MYO9B: variants seen among roughly 807,000 people sequenced by gnomAD.
MYO9B encodes myosin IXB, also known as unconventional myosin-IXb.
A neutral mutation model predicts 229.5 loss-of-function variants in MYO9B; 71 were observed. That is an observed-to-expected ratio of 0.31 (90% CI 0.26 to 0.38). The LOEUF (loss-of-function observed/expected upper bound fraction) is 0.38, where lower values mean the gene tolerates loss of function less well. Ranked by LOEUF, MYO9B falls within the 10% of genes least tolerant of loss-of-function variation. The probability of loss-of-function intolerance (pLI) is 1.00; values close to 1 mark genes in which losing one functional copy is unlikely to be tolerated. For missense variants in MYO9B, 2,255 were observed against 2,920.5 expected (o/e 0.77, Z 5.25); for synonymous variants, 1,185 against 1,235.8 (o/e 0.96, Z 0.86).
chr19:17,088,878 T>TG (rs1173951088), intron 1 of MYO9B, among the ~76,000 whole-genome samples: 3 of 152,024 alleles, frequency 2.0e-5, no homozygotes, highest in Non-Finnish European at 2.9e-5. Flanking sequence ...TTTGTAGAAT[T>TG]GGGGGGTCTT....
intron 33 of MYO9B, 40 bp from the exon 34 acceptor site, chr19:17,206,639 A>T: frequency 1.3e-6 from 2 of 1,515,692 alleles, no homozygotes; most frequent in Non-Finnish European, 1.8e-6. Context: ...CACCTTGGGG[A>T]CCCTTGGGAG....
intron 19 of MYO9B, among the ~76,000 whole-genome samples, chr19:17,188,531 C>T (rs969751384): frequency 6.6e-6 from 1 of 152,034 alleles, no homozygotes; most frequent in African/African-American, 2.4e-5. Flanking sequence ...GCCTGGTTCC[C>T]TTTCACGCTT....
intron 2 of MYO9B, among the ~76,000 whole-genome samples, chr19:17,126,902 T>TCCCCCCCCCCCCCCCC (rs1479083472): frequency 9.7e-6 from 1 of 103,046 alleles, no homozygotes. Context: ...GACCTTGTGA[T>TCCCCCCCCCCCCCCCC]CCACCCCCAC....
chr19:17,178,160 C>T (rs978477380), intron 14 of MYO9B, among the ~76,000 whole-genome samples: 1 of 152,180 alleles, frequency 6.6e-6, no homozygotes, highest in East Asian at 1.9e-4. Flanking sequence ...AGGTGACAGG[C>T]GACCCCTCTG....
At chr19:17,183,363 A>G (rs1334793015) in intron 15 of MYO9B, among the ~76,000 whole-genome samples, 1 of 152,058 alleles carries the variant, frequency 6.6e-6, no homozygotes, top group Non-Finnish European at 1.5e-5. Context: ...CTTGGCATCT[A>G]CCAGCACATG....
chr19:17,092,616 A>G (rs573093175), intron 1 of MYO9B, among the ~76,000 whole-genome samples: 1 of 151,438 alleles, frequency 6.6e-6, no homozygotes, highest in Non-Finnish European at 1.5e-5. Context: ...TCCCAGCTAC[A>G]TGGGAGGCTG....
chr19:17,086,706 C>T (rs2057586628), intron 1 of MYO9B, among the ~76,000 whole-genome samples: 1 of 152,110 alleles, frequency 6.6e-6, no homozygotes, highest in Non-Finnish European at 1.5e-5. Context: ...ATGGAGAAAC[C>T]CTGTCTCTAC....
chr19:17,100,674 C>T (rs1568660915), intron 1 of MYO9B, among the ~76,000 whole-genome samples: 1 of 152,062 alleles, frequency 6.6e-6, no homozygotes, highest in Non-Finnish European at 1.5e-5. Context: ...TTGCCCGTGA[C>T]CTTGGCAGTC....
chr19:17,210,218 G>A (rs2073210369), intron 36 of MYO9B, 115 bp from the exon 37 acceptor site: 2 of 1,075,232 alleles, frequency 1.9e-6, no homozygotes, highest in African/African-American at 3.2e-5. Context: ...CGGGCTCTGG[G>A]CTCCTGTGGG....
chr19:17,183,829 G>A lies in MYO9B; in HGVS notation c.2334G>A (p.Leu778=). 2 of 1,562,766 alleles carry A rather than the reference G, an allele frequency of 1.3e-6. No individual in the cohort carries two copies. The highest frequency in any genetic ancestry group is 1.2e-5 in the South Asian group (1 of 82,442). ...AAAACCATTTTTAATATTTTGACAGGAAAAGTAAAGGTATCAAACAAAAGC... is the reference window on the plus strand; with the variant it reads ...AAAACCATTTTTAATATTTTGACAGAAAAAGTAAAGGTATCAAACAAAAGC... ...SRLQKPRAFI[L]KSKGIKQKQI... is the part of the protein sequence containing the mutation. Residue 778 remains leucine, a splice_region_variant and synonymous_variant, in exon 16 of 40, where the codon CTG becomes CTA. Coordinates refer to ENST00000682292, the MANE Select transcript of MYO9B (RefSeq NM_004145.4).
chr19:17,192,726 C>G lies in MYO9B; in HGVS notation c.2812-20C>G. On this transcript the variant is annotated intron_variant, in intron 20 of 39. Coordinates refer to ENST00000682292, the MANE Select transcript of MYO9B (RefSeq NM_004145.4). Reference sequence around the variant, plus strand: ...GTCAGGGGCAGTGCAGCTGACCCCACCTGACCCCGTGCCCACCAGGTCTTC... The same window carrying G: ...GTCAGGGGCAGTGCAGCTGACCCCAGCTGACCCCGTGCCCACCAGGTCTTC... The G allele has an allele frequency of 2.0e-6, 3 of 1,506,046 alleles. No individual in the cohort carries two copies. Among genetic ancestry groups the G allele is most frequent in the Non-Finnish European group, 2.7e-6 (3 of 1,121,324 alleles). 93.3% of individuals were successfully genotyped at this position (1,506,046 alleles called of 1,614,324 possible). A position where few individuals can be genotyped will look rare whatever the true frequency, so the allele number is the denominator to read the frequency against.
In MYO9B at chr19:17,185,933, A is replaced by C; in HGVS notation, c.2509A>C (p.Lys837Gln). 6.2e-7 allele frequency: 1 copy of C among 1,613,730 alleles called. No homozygotes were observed. ...TTTCCCTTAACAGACATCCCTTAAC[A>C]AGCTCTTGGAGGCACTGGGGAAGGC... ...ISAQFQTSLN[K>Q]LLEALGKAEP... Residue 837 changes from lysine to glutamine, a missense_variant, in exon 18 of 40, where the codon AAG (lysine) becomes CAG (glutamine). Around this residue, in one of 7 missense-constraint regions of MYO9B, gnomAD observed 68 missense variants for 133.5 expected, o/e 0.51. Transcript: ENST00000682292.
chr19:17,152,619 C>A (rs773618591), intron 3 of MYO9B, 25 bp from the exon 4 acceptor site: 78 of 1,579,380 alleles, frequency 4.9e-5, no homozygotes, highest in Middle Eastern at 1.7e-4. Context: ...ATGTTTTATT[C>A]TTTCTGTTTT....
At chr19:17,090,114 CTTCCTTTTTTTTTTTTTTTTTTTTTTTT>C (rs2057622644) in intron 1 of MYO9B, among the ~76,000 whole-genome samples, 2 of 111,308 alleles carry the variant, frequency 1.8e-5, no homozygotes, top group Non-Finnish European at 3.7e-5. Context: ...TCGGTGCTTC[CTTCCTTTTTTTTTTTTTTTTTTTTTTTT>C]TTTTTTTTTT....
At chr19:17,122,492 G>A (rs2057974982) in intron 2 of MYO9B, among the ~76,000 whole-genome samples, 1 of 152,130 alleles carries the variant, frequency 6.6e-6, no homozygotes, top group Admixed American at 6.6e-5. Flanking sequence ...ACTCCAGCCT[G>A]GGCAACAGAG....
intron 2 of MYO9B, among the ~76,000 whole-genome samples, chr19:17,106,111 C>A (rs1302605470): frequency 1.3e-5 from 2 of 151,872 alleles, no homozygotes; most frequent in African/African-American, 2.4e-5. Flanking sequence ...CTCAAGCGAT[C>A]CTCCCACCCA....
chr19:17,113,507 A>T (rs2057869067), intron 2 of MYO9B, among the ~76,000 whole-genome samples: 2 of 152,122 alleles, frequency 1.3e-5, no homozygotes, highest in Non-Finnish European at 2.9e-5. Context: ...AAACAGCGGG[A>T]TGGTTATCCA....
Position 17,213,211 on chromosome 19 carries a change from C to G in MYO9B, c.*901C>G, listed in dbSNP as rs2073250969. On this transcript the variant is annotated 3_prime_UTR_variant, in exon 40 of 40. Coordinates refer to ENST00000682292, the MANE Select transcript of MYO9B (RefSeq NM_004145.4). ...CCTCTCTCAGGCTTGGCCCACTCCC[C>G]CAGACACCTGGACACGTGGCCACAA... The G allele has an allele frequency of 6.6e-6, 1 of 152,342 alleles. No individual in the cohort carries two copies. Among genetic ancestry groups the G allele is most frequent in the Admixed American group, 6.5e-5 (1 of 15,284 alleles). 9.4% of individuals were successfully genotyped at this position (152,342 alleles called of 1,614,324 possible). A position where few individuals can be genotyped will look rare whatever the true frequency, so the allele number is the denominator to read the frequency against.
At chr19:17,082,927 C>T (rs1167344606) in intron 1 of MYO9B, among the ~76,000 whole-genome samples, 1 of 151,852 alleles carries the variant, frequency 6.6e-6, no homozygotes, top group Non-Finnish European at 1.5e-5. Context: ...GCACTCCGCA[C>T]TCTCAATATC....
Sources: gnomAD v4.1 joint callset for allele counts (sites outside exome capture counted in the v4.1 genomes callset) on GRCh38, gnomAD v4.1.1 for gene constraint, gnomAD v4.1.1 regional missense constraint, MANE v1.5 for transcripts, NCBI Gene and HGNC (gene_info 2026-07-23, HGNC 2026-07-21) for gene names.